Variants in PCDHGA3 observed in about 807,000 individuals in gnomAD.
PCDHGA3 encodes protocadherin gamma subfamily A, 3.
Under a neutral mutation model 58.5 loss-of-function variants are expected in PCDHGA3, and 40 were observed. That is an observed-to-expected ratio of 0.68 (90% CI 0.53 to 0.89). The LOEUF is 0.89. Ranked by LOEUF, PCDHGA3 falls within the 40% of genes least tolerant of loss-of-function variation. The pLI is 0.00. For missense variants in PCDHGA3, 1,223 were observed against 1,195.9 expected (o/e 1.02, Z -0.33); for synonymous variants, 530 against 525.7 (o/e 1.01, Z -0.11).
intron 1 of PCDHGA3, chr5:141,391,956 A>G (rs1440560320): frequency 6.6e-6 from 1 of 152,246 alleles, no homozygotes; most frequent in Non-Finnish European, 1.5e-5. Flanking sequence ...AAAAATATAA[A>G]CAATGTAAAT....
In PCDHGA3 at chr5:141,431,213, TTCCC is replaced by T. The variant is rs1373533151; in HGVS notation, c.2425-63591_2425-63588del. 1 of 1,614,142 alleles carries T rather than the reference TTCCC, an allele frequency of 6.2e-7. No homozygotes were observed. Among genetic ancestry groups the T allele is most frequent in the Admixed American group, 1.7e-5 (1 of 60,020 alleles). On this transcript the variant is annotated intron_variant, in intron 1 of 3. Transcript: ENST00000253812. This position sits in a 1 kb window ranked among gnomAD's most constrained non-coding sequence, Gnocchi z 4.8. ...TGAAAATGCAGCCACTGAGATGCGGTTCCCTCTACCCCACGCCTGGGATCCGGAT... is the reference window on the plus strand; with the variant it reads ...TGAAAATGCAGCCACTGAGATGCGGTTCTACCCCACGCCTGGGATCCGGAT...
intron 1 of PCDHGA3, chr5:141,374,981 G>A (rs761282613): frequency 6.2e-7 from 1 of 1,614,036 alleles, no homozygotes; most frequent in Non-Finnish European, 8.5e-7. Context: ...TTTGACTGGA[G>A]AAATTTCAAC....
intron 1 of PCDHGA3, among the ~76,000 whole-genome samples, chr5:141,442,633 C>A (rs1210890820): frequency 6.6e-6 from 1 of 152,158 alleles, no homozygotes; most frequent in Admixed American, 6.5e-5. Flanking sequence ...AGCAGCAAGA[C>A]CAAAGGCCTA....
chr5:141,471,879 G>A (rs1027572395), intron 1 of PCDHGA3, among the ~76,000 whole-genome samples: 7 of 152,218 alleles, frequency 4.6e-5, no homozygotes, highest in African/African-American at 1.7e-4. Context: ...GCCTGAGGCT[G>A]AAGCTAGGAA....
At position 141,505,200 on chromosome 5, in the gene PCDHGA3, G is replaced by T. The variant is rs528060752; in HGVS notation, c.2484-193G>T. On this transcript the variant is annotated intron_variant, in intron 2 of 3. Transcript: ENST00000253812. ...AAAGCATCGGAGGCAGCAAAGAGCTGGTTTGAGGGACTGACTTGTGGGATT... is the reference window on the plus strand; with the variant it reads ...AAAGCATCGGAGGCAGCAAAGAGCTTGTTTGAGGGACTGACTTGTGGGATT... Among the ~76,000 whole-genome samples the T allele has an allele frequency of 6.6e-5, 10 of 152,244 alleles. No individual in the cohort carries two copies. The East Asian group carries it at 7.7e-4, about 12-fold the overall frequency.
chr5:141,438,619 TATATATATATATATATACAC>T (rs1310378007), intron 1 of PCDHGA3, among the ~76,000 whole-genome samples: 16 of 39,678 alleles, frequency 4.0e-4, no homozygotes, highest in African/African-American at 1.2e-3. Flanking sequence ...TATATATATA[TATATATATATATATATACAC>T]ACACACACAC....
At chr5:141,382,816 T>G (rs1778462841) in intron 1 of PCDHGA3, 1 of 1,275,448 alleles carries the variant, frequency 7.8e-7, no homozygotes, top group Non-Finnish European at 1.1e-6. Context: ...CTCCCCTTCC[T>G]AAGACAGAGG....
At chr5:141,507,680 A>C (rs73794928) in intron 3 of PCDHGA3, among the ~76,000 whole-genome samples, 2,806 of 152,362 alleles carry the variant, frequency 0.018, 91 homozygotes, top group African/African-American at 0.063. Flanking sequence ...GATGTTAAAA[A>C]CAGAAATGAA....
intron 1 of PCDHGA3, chr5:141,407,957 G>C (rs1166490050): frequency 1.5e-6 from 1 of 660,376 alleles, no homozygotes; most frequent in African/African-American, 1.8e-5. Flanking sequence ...GGCCAGTGCA[G>C]AGCAAGCGCT....
chr5:141,366,178 CTT>C lies in PCDHGA3; in HGVS notation c.2424+19723_2424+19724del, dbSNP rs35325687. On this transcript the variant is annotated intron_variant, in intron 1 of 3. Coordinates refer to ENST00000253812, the MANE Select transcript of PCDHGA3 (RefSeq NM_018916.4). Reference sequence around the variant, plus strand: ...TGCTTAAGGCCAGCGAGCCAGGACTCTTTGCGGTTGGGCTGCACACGGGCGAG... The same window carrying C: ...TGCTTAAGGCCAGCGAGCCAGGACTCTGCGGTTGGGCTGCACACGGGCGAG... The C allele has an allele frequency of 1.5e-5, 24 of 1,613,926 alleles. No homozygotes were observed. In the Admixed American group the frequency reaches 3.5e-4, roughly 24 times the overall value.
At position 141,485,293 on chromosome 5, in the gene PCDHGA3, G is replaced by A. The variant is rs1356836741; in HGVS notation, c.2425-9514G>A. On this transcript the variant is annotated intron_variant, in intron 1 of 3. Transcript: ENST00000253812. The surrounding 1 kb of genome is among the most constrained non-coding windows in gnomAD (Gnocchi z 5.7). ...GCTACCCGGTCCCAGAGGAGTCACA[G>A]GAAGGGACTTTTGTAGGGAATGTCG... 1 of 1,614,170 alleles carries A rather than the reference G, an allele frequency of 6.2e-7. No individual in the cohort carries two copies.
chr5:141,404,415 T>C, intron 1 of PCDHGA3: 1 of 1,613,844 alleles, frequency 6.2e-7, no homozygotes, highest in Non-Finnish European at 8.5e-7. Context: ...TCTAGAGTTA[T>C]TTACTCCTTG....
chr5:141,422,370 T>G (rs2096643676), intron 1 of PCDHGA3: 1 of 1,566,604 alleles, frequency 6.4e-7, no homozygotes, highest in African/African-American at 1.4e-5. Flanking sequence ...GAGAAAATGG[T>G]CAAGTCTCCT....
Position 141,415,174 on chromosome 5 carries a change from G to C in PCDHGA3, c.2424+68717G>C, listed in dbSNP as rs1368688199. ...CTCCGCCACTGTCACGCTCACCGTG[G>C]CCGTGGCCGACAGCATCCCCCAAGT... On this transcript the variant is annotated intron_variant, in intron 1 of 3. Transcript: ENST00000253812. 4 of 1,613,784 alleles carry C rather than the reference G, an allele frequency of 2.5e-6. No homozygotes were observed. The African/African-American group carries it at 4.0e-5, about 16-fold the overall frequency.
intron 1 of PCDHGA3, chr5:141,365,322 C>T (rs1344591303): frequency 6.2e-7 from 1 of 1,613,958 alleles, no homozygotes; most frequent in South Asian, 1.1e-5. Flanking sequence ...GTTGCCAGCG[C>T]TAAGGTGGTG....
At chr5:141,457,573 C>T (rs934685938) in intron 1 of PCDHGA3, among the ~76,000 whole-genome samples, 3 of 152,206 alleles carry the variant, frequency 2.0e-5, no homozygotes, top group Non-Finnish European at 4.4e-5. Flanking sequence ...CAAAATTTTT[C>T]TCTCCAGTCC....
intron 1 of PCDHGA3, chr5:141,427,842 C>A: frequency 6.5e-7 from 1 of 1,549,268 alleles, no homozygotes. Flanking sequence ...TGCCTTCGAC[C>A]ACGAGCAGCT....
Position 141,343,864 on chromosome 5 carries a change from A to G in PCDHGA3, c.-170A>G. On this transcript the variant is annotated 5_prime_UTR_variant, in exon 1 of 4. Transcript: ENST00000253812. ...TGCTCCTAAAATGCAAAGAACCAGC[A>G]AATCAGACTCAGAAGATCCGGGGCG... 3.5e-6 allele frequency: 2 copies of G among 570,796 alleles called. No homozygotes were observed. Among genetic ancestry groups the G allele is most frequent in the Non-Finnish European group, 6.0e-6 (2 of 332,848 alleles). The allele number at this position is 570,796 out of a possible 1,614,324, so 35.4% of individuals were successfully genotyped here.
At position 141,344,400 on chromosome 5, in the gene PCDHGA3, A is replaced by G; in HGVS notation, c.367A>G (p.Ile123Val). 6.2e-7 allele frequency: 1 copy of G among 1,611,628 alleles called. No homozygotes were observed. The highest frequency in any genetic ancestry group is 1.1e-5 in the South Asian group (1 of 90,614). Reference protein sequence around the residue: ...KLKIFEVEIEIKDINDNAPNF... With the variant: ...KLKIFEVEIEVKDINDNAPNF... ...GAAAATTTTTGAAGTAGAAATAGAA[A>G]TTAAAGATATTAATGATAATGCTCC... The change falls in exon 1 of 4, where the codon ATT becomes GTT. Residue 123 changes from isoleucine to valine, a missense_variant. By Grantham distance (29) the Ile-to-Val change is conservative (BLOSUM62 3). Around this residue, in one of 3 missense-constraint regions of PCDHGA3, gnomAD observed 791 missense variants for 708.5 expected, o/e 1.12. Transcript: ENST00000253812.
Sources: allele counts gnomAD v4.1 joint callset (sites outside exome capture counted in the v4.1 genomes callset), GRCh38; gene constraint gnomAD v4.1.1; regional missense constraint gnomAD v4.1.1; non-coding constraint Gnocchi (gnomAD v3.1); transcripts MANE v1.5; gene names NCBI Gene and HGNC (gene_info 2026-07-23, HGNC 2026-07-21).